Variants in FOCAD observed in about 807,000 individuals in gnomAD.
The protein encoded by FOCAD is KIAA1797.
FOCAD carries 198 observed loss-of-function variants against 225.6 expected under a neutral mutation model. That is an observed-to-expected ratio of 0.88 (90% CI 0.78 to 0.99). FOCAD has a LOEUF of 0.99. FOCAD is among the 50% of genes least tolerant of loss of function. The pLI is 0.00. For missense variants in FOCAD, 2,713 were observed against 2,123.6 expected, an observed-to-expected ratio of 1.28 and a Z score of -5.46; for synonymous variants, 897 against 755.0, an observed-to-expected ratio of 1.19 and a Z score of -3.08.
intron 10 of FOCAD, among the ~76,000 whole-genome samples, chr9:20,787,852 A>C (rs971639900): frequency 6.6e-6 from 1 of 152,180 alleles, no homozygotes; most frequent in Non-Finnish European, 1.5e-5. Context: ...GAGTCATACT[A>C]TCTGTATCTT....
chr9:20,756,124 G>C (rs1012735654), intron 5 of FOCAD, among the ~76,000 whole-genome samples: 2 of 152,176 alleles, frequency 1.3e-5, no homozygotes, highest in African/African-American at 4.8e-5. Flanking sequence ...CAAAGGGTTT[G>C]GAATTGGGAA....
At chr9:20,993,362 G>A (rs917032212) in intron 43 of FOCAD, 34 bp downstream of exon 43, 1 of 1,540,094 alleles carries the variant, frequency 6.5e-7, no homozygotes, top group Non-Finnish European at 9.0e-7. Flanking sequence ...CAACATAGGG[G>A]AAAAACCATT....
chr9:20,877,797 C>T (rs1830348839), intron 19 of FOCAD, among the ~76,000 whole-genome samples: 2 of 152,114 alleles, frequency 1.3e-5, no homozygotes, highest in African/African-American at 4.8e-5. Flanking sequence ...GTAATTCCAG[C>T]TACTTGGGAG....
intron 11 of FOCAD, among the ~76,000 whole-genome samples, chr9:20,800,892 G>C (rs1347605847): frequency 6.6e-6 from 1 of 152,158 alleles, no homozygotes; most frequent in Non-Finnish European, 1.5e-5. Flanking sequence ...TGCTGGTGAG[G>C]AGCTGCATTC....
chr9:20,767,598 T>A (rs1830163356), intron 7 of FOCAD, among the ~76,000 whole-genome samples: 1 of 151,158 alleles, frequency 6.6e-6, no homozygotes, highest in Non-Finnish European at 1.5e-5. Flanking sequence ...TTTTTTCATG[T>A]GTTTTTTGGC....
intron 15 of FOCAD, among the ~76,000 whole-genome samples, chr9:20,827,069 A>T (rs969841717): frequency 3.9e-5 from 6 of 152,110 alleles, no homozygotes; most frequent in African/African-American, 1.2e-4. Flanking sequence ...CATACAATTC[A>T]TTCATTTAAT....
chr9:20,741,024 T>G (rs1011913988), intron 5 of FOCAD, among the ~76,000 whole-genome samples: 1 of 152,126 alleles, frequency 6.6e-6, no homozygotes, highest in Non-Finnish European at 1.5e-5. Flanking sequence ...ATGCATGTGA[T>G]CAGTGTATGT....
chr9:20,744,758 A>G (rs963018976), intron 5 of FOCAD, among the ~76,000 whole-genome samples: 3 of 152,196 alleles, frequency 2.0e-5, no homozygotes. Context: ...ATGGGACTTC[A>G]TTGTTGCCAC....
At chr9:20,901,747 A>C (rs930269895) in intron 21 of FOCAD, among the ~76,000 whole-genome samples, 2 of 151,918 alleles carry the variant, frequency 1.3e-5, no homozygotes, top group Admixed American at 6.6e-5. Flanking sequence ...TAGTATTTCA[A>C]ATATACTTAA....
At position 20,926,425 on chromosome 9, in the gene FOCAD, C is replaced by CA; in HGVS notation, c.3078+14dup. 1.3e-6 allele frequency: 2 copies of CA among 1,499,510 alleles called. No individual in the cohort carries two copies. The highest frequency in any genetic ancestry group is 1.9e-6 in the Non-Finnish European group (2 of 1,079,212). The allele number at this position is 1,499,510 out of a possible 1,614,324, so 92.9% of individuals were successfully genotyped here. ...CTCTCCTGGTTTTATTATGTAAGTG[C>CA]AAAAAATAAAAAATGATCAGAAAAC... is the stretch of plus-strand genomic sequence containing the variant. On this transcript the variant is annotated intron_variant, in intron 26 of 43. Transcript: ENST00000338382.
At chr9:20,912,651 T>G (rs879073700) in intron 22 of FOCAD, among the ~76,000 whole-genome samples, 2 of 152,142 alleles carry the variant, frequency 1.3e-5, no homozygotes, top group Non-Finnish European at 2.9e-5. Context: ...TTGCCAAACA[T>G]ACAACTTCTC....
chr9:20,823,120 G>A lies in FOCAD; in HGVS notation c.1920+5G>A, dbSNP rs1227989214. The A allele has an allele frequency of 1.2e-6, 2 of 1,603,062 alleles. No individual in the cohort carries two copies. Among genetic ancestry groups the A allele is most frequent in the Non-Finnish European group, 1.7e-6 (2 of 1,175,814 alleles). On this transcript the variant is annotated splice_donor_5th_base_variant and intron_variant, in intron 15 of 43. Coordinates refer to ENST00000338382, the MANE Select transcript of FOCAD (RefSeq NM_001375567.1). Reference sequence around the variant, plus strand: ...CATGCACTCTGTCAAGCTGAGGTAGGCATTTTTAAATTGCTTTGGATAATT... The same window carrying A: ...CATGCACTCTGTCAAGCTGAGGTAGACATTTTTAAATTGCTTTGGATAATT...
intron 15 of FOCAD, among the ~76,000 whole-genome samples, chr9:20,847,468 T>C (rs1296981372): frequency 7.2e-6 from 1 of 138,280 alleles, no homozygotes; most frequent in Non-Finnish European, 1.6e-5. Flanking sequence ...GTCCATCTGC[T>C]CAGATTTTTT....
At chr9:20,663,066 A>T (rs1399777591) in intron 2 of FOCAD, among the ~76,000 whole-genome samples, 1 of 152,160 alleles carries the variant, frequency 6.6e-6, no homozygotes, top group Admixed American at 6.6e-5. Context: ...ACTTCTGATA[A>T]TATCAAGGAA....
chr9:20,679,720 C>T (rs369139599), upstream of FOCAD, among the ~76,000 whole-genome samples: 1 of 152,136 alleles, frequency 6.6e-6, no homozygotes, highest in Non-Finnish European at 1.5e-5. Flanking sequence ...ATACTATCTG[C>T]CTGCCTACCT....
intron 14 of FOCAD, among the ~76,000 whole-genome samples, chr9:20,822,333 G>T (rs929637631): frequency 6.6e-6 from 1 of 151,904 alleles, no homozygotes; most frequent in African/African-American, 2.4e-5. Context: ...TAAAAGAAAA[G>T]ATATTATTGA....
At chr9:20,881,796 T>C (rs1830685393) in intron 19 of FOCAD, 75 bp from the exon 20 acceptor site, 9 of 1,441,640 alleles carry the variant, frequency 6.2e-6, no homozygotes, top group Non-Finnish European at 8.6e-6. Context: ...TGTTTGTATA[T>C]GAGTTAAGAA....
At chr9:20,705,924 GTTTTTTT>G (rs59407171) in intron 1 of FOCAD, among the ~76,000 whole-genome samples, 22,645 of 106,726 alleles carry the variant, frequency 0.21, 2,394 homozygotes, top group South Asian at 0.4. Flanking sequence ...TCAGTTTTAA[GTTTTTTT>G]TTTTTTTTTT....
chr9:20,812,675 T>C (rs140816358), intron 11 of FOCAD, among the ~76,000 whole-genome samples: 4 of 152,238 alleles, frequency 2.6e-5, no homozygotes, highest in African/African-American at 7.2e-5. Flanking sequence ...TGGAATCTTA[T>C]GTTTGCTGTT....
Sources: allele counts gnomAD v4.1 joint callset (sites outside exome capture counted in the v4.1 genomes callset), GRCh38; gene constraint gnomAD v4.1.1; transcripts MANE v1.5; gene names NCBI Gene and HGNC (gene_info 2026-07-23, HGNC 2026-07-21).